Variants in KIF14 observed in about 807,000 individuals in gnomAD.
KIF14 encodes the protein kinesin-like protein KIF14.
Under a neutral mutation model 176.2 loss-of-function variants are expected in KIF14, and 98 were observed. The ratio of observed to expected loss-of-function variants is 0.56; its 90% CI spans 0.47 to 0.66. The LOEUF (loss-of-function observed/expected upper bound fraction) is 0.66, where lower values mean the gene tolerates loss of function less well. KIF14 is among the 30% of genes least tolerant of loss of function. The probability of loss-of-function intolerance (pLI) is 0.00; values close to 1 mark genes in which losing one functional copy is unlikely to be tolerated. For synonymous variants in KIF14, 566 were observed against 632.2 expected, an observed-to-expected ratio of 0.90 and a Z score of 1.57; for missense variants, 1,751 against 1,920.4, an observed-to-expected ratio of 0.91 and a Z score of 1.65.
At chr1:200,582,660 G>A (rs1188144202) in intron 19 of KIF14, among the ~76,000 whole-genome samples, 1 of 152,092 alleles carries the variant, frequency 6.6e-6, no homozygotes, top group East Asian at 1.9e-4. Flanking sequence ...AACTAGCCTG[G>A]CCATCATGGT....
intron 9 of KIF14, among the ~76,000 whole-genome samples, chr1:200,603,616 T>A (rs1659732436): frequency 6.6e-6 from 1 of 152,114 alleles, no homozygotes; most frequent in Non-Finnish European, 1.5e-5. Flanking sequence ...CTATAAATAC[T>A]TTTTTCTATA....
intron 16 of KIF14, among the ~76,000 whole-genome samples, chr1:200,591,210 G>A (rs1659036120): frequency 6.6e-6 from 1 of 152,128 alleles, no homozygotes; most frequent in South Asian, 2.1e-4. Context: ...AGGTGACAAA[G>A]CAGTTAGTCT....
At position 200,618,523 on chromosome 1, in the gene KIF14, A is replaced by G. The variant is rs369116397; in HGVS notation, c.201T>C (p.Tyr67=). 1.4e-5 allele frequency: 23 copies of G among 1,614,084 alleles called. No homozygotes were observed. In the East Asian group the frequency reaches 2.9e-4, roughly 20 times the overall value. Reference sequence around the variant, plus strand: ...CTGTTTTTCTACTGGCAGAAATAACATAAGTTCTATTTATGTCTCTGACTT... The same window carrying G: ...CTGTTTTTCTACTGGCAGAAATAACGTAAGTTCTATTTATGTCTCTGACTT... ...AGKVRDINRT[Y]VISASRKTAD... The change falls in exon 2 of 30, where the codon TAT becomes TAC. Residue 67 remains tyrosine (Y), a synonymous_variant. Transcript: ENST00000367350.
rs150078302 is a variant in KIF14, at chr1:200,556,997, T to TTTTA, written c.4354-1547_4354-1544dup. On this transcript the variant is annotated intron_variant, in intron 27 of 29. Transcript: ENST00000367350. ...GTAACAATGTGTTTTTACTTTTATT[T>TTTTA]TTTATTTATTTATTTATTTATTTTT... Among the ~76,000 whole-genome samples the TTTTA allele has an allele frequency of 7.9e-3, 1,196 of 152,012 alleles. 5 individuals carry two copies. The highest frequency in any genetic ancestry group is 0.018 in the African/African-American group (760 of 41,478).
rs1409406075 is a variant in KIF14 at position 200,618,225 on chromosome 1, C to T, written c.499G>A (p.Val167Ile). 1.6e-5 allele frequency: 26 copies of T among 1,613,948 alleles called. No individual in the cohort carries two copies. Among genetic ancestry groups the T allele is most frequent in the Non-Finnish European group, 2.1e-5 (25 of 1,180,016 alleles). Residue 167 changes from valine (V) to isoleucine (I), a missense_variant, in exon 2 of 30, where the codon GTA becomes ATA. Physicochemically the swap from Val to Ile is conservative, Grantham distance 29 (BLOSUM62 3). Transcript: ENST00000367350. The part of the protein sequence containing the change: ...SKESRTNVRI[V>I]NNAKNSFVAS... Reference sequence around the variant, plus strand: ...ACAAAAGAGTTTTTAGCATTATTTACAATCCTTACATTTGTTCTACTTTCC... The same window carrying T: ...ACAAAAGAGTTTTTAGCATTATTTATAATCCTTACATTTGTTCTACTTTCC...
intron 7 of KIF14, 136 bp downstream of exon 7, chr1:200,605,728 T>G (rs570914993): frequency 1.7e-6 from 1 of 588,806 alleles, no homozygotes. Flanking sequence ...TGATTAAAAC[T>G]TAACAAAATC....
At position 200,615,471 on chromosome 1, in the gene KIF14, G is replaced by A. The variant is rs199789511; in HGVS notation, c.1251C>T (p.Tyr417=). 2.5e-5 allele frequency: 40 copies of A among 1,614,102 alleles called. No individual in the cohort carries two copies. Among genetic ancestry groups the A allele is most frequent in the South Asian group, 1.3e-4 (12 of 91,070 alleles). Reference sequence around the variant, plus strand: ...TCTCATAGACAGTTGTCTGGCTAGCGTAGTGAGGATGACATTCATCAAAAG... The same window carrying A: ...TCTCATAGACAGTTGTCTGGCTAGCATAGTGAGGATGACATTCATCAAAAG... The part of the protein sequence containing the change: ...FWSFDECHPH[Y]ASQTTVYEKL... Residue 417 remains tyrosine, a synonymous_variant, in exon 3 of 30, where the codon TAC becomes TAT. Coordinates refer to ENST00000367350, the MANE Select transcript of KIF14 (RefSeq NM_014875.3).
chr1:200,558,271 T>C (rs572108943), intron 27 of KIF14, among the ~76,000 whole-genome samples: 1 of 152,200 alleles, frequency 6.6e-6, no homozygotes, highest in African/African-American at 2.4e-5. Context: ...GGTTTTAATA[T>C]GTTGTTACAA....
At chr1:200,573,685 C>T (rs1657951936) in intron 22 of KIF14, among the ~76,000 whole-genome samples, 1 of 152,044 alleles carries the variant, frequency 6.6e-6, no homozygotes, top group African/African-American at 2.4e-5. Context: ...CTTACCATAG[C>T]TTAGAGGTTA....
In KIF14 at chr1:200,617,719, A is replaced by G. The variant is rs1373106066; in HGVS notation, c.1005T>C (p.Leu335=). ...KQERSAENTI[L]PEEETVVQNT... ...TCTGAACTACAGTTTCTTCTTCGGG[A>G]AGAATTGTATTTTCTGCGGATCTTT... The change falls in exon 2 of 30, where the codon CTT becomes CTC. Residue 335 remains leucine (L), a synonymous_variant. Coordinates refer to ENST00000367350, the MANE Select transcript of KIF14 (RefSeq NM_014875.3). The G allele has an allele frequency of 3.1e-6, 5 of 1,614,026 alleles. No individual in the cohort carries two copies. In the East Asian group the frequency reaches 1.1e-4, roughly 36 times the overall value.
chr1:200,576,082 C>T (rs535347490), intron 21 of KIF14, among the ~76,000 whole-genome samples: 3 of 152,270 alleles, frequency 2.0e-5, no homozygotes, highest in African/African-American at 4.8e-5. Context: ...ACATATTTAA[C>T]GTAATAACAA....
chr1:200,609,889 G>A (rs762554331), intron 4 of KIF14, among the ~76,000 whole-genome samples: 4 of 152,220 alleles, frequency 2.6e-5, no homozygotes, highest in Non-Finnish European at 5.9e-5. Context: ...TACTGTATGT[G>A]CTACAATGTA....
intron 8 of KIF14, among the ~76,000 whole-genome samples, 177 bp downstream of exon 8, chr1:200,605,104 AAG>A (rs1659806970): frequency 6.6e-6 from 1 of 152,226 alleles, no homozygotes; most frequent in South Asian, 2.1e-4. Flanking sequence ...AGAAGACAAT[AAG>A]AAAAACATGA....
chr1:200,595,170 T>C lies in KIF14; in HGVS notation c.2550-1401A>G, dbSNP rs145851049. Among the ~76,000 whole-genome samples the C allele has an allele frequency of 4.3e-3, 649 of 152,348 alleles. 4 individuals are homozygous for C. The highest frequency in any genetic ancestry group is 0.015 in the African/African-American group (626 of 41,570). ...ATCCTCTCCCTTCTTGCAACCATTC[T>C]TGAAGGCCCAATTTAGAGTCCTCTA... is the stretch of plus-strand genomic sequence containing the variant. On this transcript the variant is annotated intron_variant, in intron 14 of 29. Transcript: ENST00000367350.
chr1:200,607,721 G>A (rs1252718014), intron 5 of KIF14, among the ~76,000 whole-genome samples: 1 of 151,564 alleles, frequency 6.6e-6, no homozygotes, highest in African/African-American at 2.4e-5. Flanking sequence ...TTTTTTTCTT[G>A]AAATGGAGTC....
chr1:200,603,206 A>G lies in KIF14; in HGVS notation c.1979+20T>C. 7.3e-7 allele frequency: 1 copy of G among 1,370,086 alleles called. No homozygotes were observed. The highest frequency in any genetic ancestry group is 2.3e-5 in the East Asian group (1 of 43,526). 84.9% of individuals were successfully genotyped at this position (1,370,086 alleles called of 1,614,324 possible). Reference sequence around the variant, plus strand: ...TTCACTATATTTTATACAATTCTTTATACTTCAAAAGATACTTGCCATGTA... The same window carrying G: ...TTCACTATATTTTATACAATTCTTTGTACTTCAAAAGATACTTGCCATGTA... On this transcript the variant is annotated intron_variant, in intron 10 of 29. Transcript: ENST00000367350.
chr1:200,582,540 C>G (rs560030222), intron 19 of KIF14, among the ~76,000 whole-genome samples: 1 of 152,204 alleles, frequency 6.6e-6, no homozygotes, highest in Non-Finnish European at 1.5e-5. Context: ...AAAAGTATTG[C>G]CTCCTGGCAA....
At chr1:200,563,829 G>T (rs890011201) in intron 25 of KIF14, among the ~76,000 whole-genome samples, 12 of 152,094 alleles carry the variant, frequency 7.9e-5, no homozygotes, top group African/African-American at 2.9e-4. Context: ...TTCTGGCTTG[G>T]CACATAGGTG....
chr1:200,606,318 G>GA (rs34809125), intron 6 of KIF14, among the ~76,000 whole-genome samples: 6 of 151,800 alleles, frequency 4.0e-5, no homozygotes, highest in Non-Finnish European at 8.8e-5. Context: ...TGCAGTGTTG[G>GA]AAAAAAAAGT....
Sources: gnomAD v4.1 joint callset for allele counts (sites outside exome capture counted in the v4.1 genomes callset) on GRCh38, gnomAD v4.1.1 for gene constraint, MANE v1.5 for transcripts, NCBI Gene and HGNC (gene_info 2026-07-23, HGNC 2026-07-21) for gene names.